MYO1C: variants seen among roughly 807,000 people sequenced by gnomAD.
The protein encoded by MYO1C is unconventional myosin-Ic.
MYO1C carries 104 observed loss-of-function variants against 150.8 expected under a neutral mutation model. The ratio of observed to expected loss-of-function variants is 0.69; its 90% CI spans 0.59 to 0.81. MYO1C has a LOEUF of 0.81. MYO1C is among the 30% of genes least tolerant of loss of function. MYO1C has a pLI of 0.00. For synonymous variants in MYO1C, 663 were observed against 579.9 expected, an observed-to-expected ratio of 1.14 and a Z score of -2.06; for missense variants, 1,504 against 1,435.0, an observed-to-expected ratio of 1.05 and a Z score of -0.78.
chr17:1,482,563 G>C lies in MYO1C; in HGVS notation c.547-5C>G, dbSNP rs758436315. 2.5e-6 allele frequency: 4 copies of C among 1,613,160 alleles called. No individual in the cohort carries two copies. On this transcript the variant is annotated splice_region_variant and splice_polypyrimidine_tract_variant and intron_variant, in intron 4 of 31. Coordinates refer to ENST00000648651, the MANE Select transcript of MYO1C (RefSeq NM_001080779.2). The stretch of plus-strand genomic sequence containing the variant: ...GGTCTTGGCATTTCCAAAGGCCTAG[G>C]AGTGGACAGGGGTATGAGGGACACC...
chr17:1,472,422 C>G (rs1221083347), intron 17 of MYO1C, 194 bp from the exon 18 acceptor site: 2 of 596,172 alleles, frequency 3.4e-6, no homozygotes, highest in Non-Finnish European at 6.0e-6. Context: ...TCTGGCTGGG[C>G]GAGAGACCTC....
intron 3 of MYO1C, among the ~76,000 whole-genome samples, chr17:1,483,401 T>C (rs888737339): frequency 6.6e-6 from 1 of 150,590 alleles, no homozygotes; most frequent in African/African-American, 2.4e-5. Flanking sequence ...GAATAAGTCA[T>C]GGGTGTGAGT....
intron 6 of MYO1C, 22 bp downstream of exon 6, chr17:1,480,684 G>A: frequency 6.2e-7 from 1 of 1,613,984 alleles, no homozygotes; most frequent in Non-Finnish European, 8.5e-7. Context: ...GGTGGCACCT[G>A]CCCTCCCTGC....
At chr17:1,474,741 G>A (rs766454567) in intron 16 of MYO1C, 51 bp from the exon 17 acceptor site, 1 of 1,612,970 alleles carries the variant, frequency 6.2e-7, no homozygotes, top group East Asian at 2.2e-5. Context: ...AGGCAGGACA[G>A]GCTCCTGGAC....
chr17:1,479,873 C>T lies in MYO1C; in HGVS notation c.907-168G>A, dbSNP rs182042194. On this transcript the variant is annotated intron_variant, in intron 7 of 31. Transcript: ENST00000648651. The surrounding 1 kb of genome is among the most constrained non-coding windows in gnomAD (Gnocchi z 4.2). ...GGTGATTCTGCGGGTGGGATGGGCA[C>T]GGTGGCTGACGCCTGTAATCCCAGC... Among the ~76,000 whole-genome samples, 2 of 151,984 alleles carry T rather than the reference C, an allele frequency of 1.3e-5. No homozygotes were observed. The highest frequency in any genetic ancestry group is 2.4e-5 in the African/African-American group (1 of 41,396).
At chr17:1,483,475 G>A (rs964856730) in intron 3 of MYO1C, 135 bp downstream of exon 3, 1 of 685,546 alleles carries the variant, frequency 1.5e-6, no homozygotes, top group Non-Finnish European at 2.6e-6. Context: ...TGGTCACTGG[G>A]GGGCAAGAGA....
Position 1,479,801 on chromosome 17 carries a change from T to C in MYO1C, c.907-96A>G. 1.2e-6 allele frequency: 1 copy of C among 833,662 alleles called. No individual in the cohort carries two copies. Among genetic ancestry groups the C allele is most frequent in the African/African-American group, 1.7e-5 (1 of 59,228 alleles). The allele number at this position is 833,662 out of a possible 1,614,324, so 51.6% of individuals were successfully genotyped here. A position where few individuals can be genotyped will look rare whatever the true frequency, so the allele number is the denominator to read the frequency against. ...GGCCATGCAGGGGTGGGTGGTGAAG[T>C]GTCGGAGAGAAGGGGCTGGAAGTGG... is the stretch of plus-strand genomic sequence containing the variant. On this transcript the variant is annotated intron_variant, in intron 7 of 31. Coordinates refer to ENST00000648651, the MANE Select transcript of MYO1C (RefSeq NM_001080779.2). This position sits in a 1 kb window ranked among gnomAD's most constrained non-coding sequence, Gnocchi z 4.2.
In MYO1C at chr17:1,478,424, C is replaced by T. The variant is rs1228467102; in HGVS notation, c.1281G>A (p.Val427=). Residue 427 remains valine, a synonymous_variant, in exon 11 of 32, where the codon GTG becomes GTA. Coordinates refer to ENST00000648651, the MANE Select transcript of MYO1C (RefSeq NM_001080779.2). This position sits in a 1 kb window ranked among gnomAD's most constrained non-coding sequence, Gnocchi z 6.3. ...LGLLDIYGFE[V]FQHNSFEQFC... is the part of the protein sequence containing the mutation. ...ATGGCACCGACCTGTTATGCTGAAA[C>T]ACTTCAAAGCCATAAATATCCAGGA... 1 of 1,614,210 alleles carries T rather than the reference C, an allele frequency of 6.2e-7. No homozygotes were observed. Among genetic ancestry groups the T allele is most frequent in the Non-Finnish European group, 8.5e-7 (1 of 1,180,034 alleles).
chr17:1,477,516 T>C lies in MYO1C; in HGVS notation c.1563A>G (p.Pro521=), dbSNP rs2150950198. The part of the protein sequence containing the change: ...EKLEDTVKHH[P]HFLTHKLADQ... The stretch of plus-strand genomic sequence containing the variant: ...GCAGCCCCACTCACGTCAGGAAGTG[T>C]GGATGGTGCTTGACAGTATCCTCCA... Residue 521 remains proline, a synonymous_variant, in exon 14 of 32, where the codon CCA becomes CCG. Transcript: ENST00000648651. 6.2e-7 allele frequency: 1 copy of C among 1,613,614 alleles called. No homozygotes were observed. Among genetic ancestry groups the C allele is most frequent in the East Asian group, 2.2e-5 (1 of 44,882 alleles).
At chr17:1,491,836 G>C (rs1397867012) in intron 1 of MYO1C, among the ~76,000 whole-genome samples, 1 of 151,628 alleles carries the variant, frequency 6.6e-6, no homozygotes, top group Admixed American at 6.6e-5. Context: ...CGGGGCCACA[G>C]CGAACACGCG....
chr17:1,479,544 G>GCCC lies in MYO1C; in HGVS notation c.1020+45_1021-43dup. On this transcript the variant is annotated intron_variant, in intron 8 of 31. Transcript: ENST00000648651. This position sits in a 1 kb window ranked among gnomAD's most constrained non-coding sequence, Gnocchi z 4.2. ...AGGACACGGTGAGGGTGCACCCCCA[G>GCCC]CCCCCGCCCCCGCCGTCCTCCCGTC... 1 of 1,175,166 alleles carries GCCC rather than the reference G, an allele frequency of 8.5e-7. No homozygotes were observed. The highest frequency in any genetic ancestry group is 1.2e-6 in the Non-Finnish European group (1 of 804,192). The allele number at this position is 1,175,166 out of a possible 1,614,324, so 72.8% of individuals were successfully genotyped here. A position where few individuals can be genotyped will look rare whatever the true frequency, so the allele number is the denominator to read the frequency against.
intron 14 of MYO1C, among the ~76,000 whole-genome samples, chr17:1,476,329 C>A (rs538057223): frequency 6.6e-6 from 1 of 152,088 alleles, no homozygotes. Context: ...CCCACTACCA[C>A]GCCTGACTAA....
intron 1 of MYO1C, 183 bp from the exon 2 acceptor site, chr17:1,484,486 CGGAAAGCCGGGTGT>C (rs2074610336): frequency 5.7e-6 from 4 of 699,584 alleles, no homozygotes; most frequent in Admixed American, 2.4e-5. Flanking sequence ...GGGCCGGGTG[CGGAAAGCCGGGTGT>C]GGAGGGCCCG....
At chr17:1,482,188 A>T (rs2074536703) in intron 5 of MYO1C, among the ~76,000 whole-genome samples, 1 of 152,132 alleles carries the variant, frequency 6.6e-6, no homozygotes, top group Non-Finnish European at 1.5e-5. Context: ...CTGGGACAAC[A>T]GACATGTGCC....
At position 1,474,693 on chromosome 17, in the gene MYO1C, G is replaced by T. The variant is rs1035283037; in HGVS notation, c.1717-3C>A. On this transcript the variant is annotated splice_polypyrimidine_tract_variant and splice_region_variant and intron_variant, in intron 16 of 31. Transcript: ENST00000648651. Reference sequence around the variant, plus strand: ...GGATTCTTTGAGCTACACATGGTCTGTGTGGGCAGAGCCGGGGTCAGGGTG... The same window carrying T: ...GGATTCTTTGAGCTACACATGGTCTTTGTGGGCAGAGCCGGGGTCAGGGTG... The T allele has an allele frequency of 6.2e-7, 1 of 1,614,036 alleles. No individual in the cohort carries two copies. The highest frequency in any genetic ancestry group is 1.3e-5 in the African/African-American group (1 of 75,062).
At chr17:1,489,339 C>T (rs2074704232) in intron 1 of MYO1C, among the ~76,000 whole-genome samples, 1 of 152,204 alleles carries the variant, frequency 6.6e-6, no homozygotes, top group Non-Finnish European at 1.5e-5. Flanking sequence ...AACCATGGAT[C>T]TTTGGCTGCC....
intron 1 of MYO1C, chr17:1,491,589 C>G (rs1407001730): frequency 2.0e-6 from 2 of 980,454 alleles, no homozygotes; most frequent in East Asian, 2.3e-4. Context: ...CCCCGCGCCC[C>G]GAGTACCCAC....
Position 1,475,020 on chromosome 17 carries a change from A to G in MYO1C, c.1587T>C (p.Ala529=), listed in dbSNP as rs1330339192. The change falls in exon 15 of 32, where the codon GCT becomes GCC. Residue 529 remains alanine, a synonymous_variant. Coordinates refer to ENST00000648651, the MANE Select transcript of MYO1C (RefSeq NM_001080779.2). ...HHPHFLTHKL[A]DQRTRKSLGR... ...CCAGAGATTTCCTGGTCCGCTGGTC[A>G]GCCAGCTTGTGCCTGGGGGTGACAG... The G allele has an allele frequency of 2.6e-6, 4 of 1,552,060 alleles. No homozygotes were observed. The East Asian group carries it at 7.3e-5, about 28-fold the overall frequency.
chr17:1,467,677 A>C (rs570776943), intron 29 of MYO1C, 100 bp from the exon 30 acceptor site: 16 of 437,134 alleles, frequency 3.7e-5, no homozygotes, highest in African/African-American at 1.3e-4. Flanking sequence ...ATCCACCCCC[A>C]TCCACCCTCC....
Sources: gnomAD v4.1 joint callset for allele counts (sites outside exome capture counted in the v4.1 genomes callset) on GRCh38, gnomAD v4.1.1 for gene constraint, Gnocchi (gnomAD v3.1) non-coding constraint, MANE v1.5 for transcripts, NCBI Gene and HGNC (gene_info 2026-07-23, HGNC 2026-07-21) for gene names.